The following CRB1 variants were observed in gnomAD, a reference collection of about 807,000 sequenced individuals.
CRB1 encodes the protein protein crumbs homolog 1.
CRB1 carries 83 observed loss-of-function variants against 120.0 expected under a neutral mutation model. That is an observed-to-expected ratio of 0.69 (90% CI 0.58 to 0.83). The LOEUF (loss-of-function observed/expected upper bound fraction) is 0.83. CRB1 is among the 40% of genes least tolerant of loss of function. The pLI is 0.00. For missense variants in CRB1, 1,699 were observed against 1,687.6 expected, an observed-to-expected ratio of 1.01 and a Z score of -0.12; for synonymous variants, 625 against 612.5, an observed-to-expected ratio of 1.02 and a Z score of -0.30.
At chr1:197,449,083 C>A (rs931173681) in intron 11 of CRB1, among the ~76,000 whole-genome samples, 3 of 152,156 alleles carry the variant, frequency 2.0e-5, no homozygotes, top group African/African-American at 7.2e-5. Context: ...GTATTTACAA[C>A]AATGTCAAAA....
At chr1:197,234,890 A>G in the CRB1 span, among the ~76,000 whole-genome samples, 6 of 152,256 alleles carry the variant, frequency 3.9e-5, no homozygotes, top group African/African-American at 1.2e-4. Context: ...CCTTTCTTCT[A>G]TAGTGCAGAA....
intron 2 of CRB1, among the ~76,000 whole-genome samples, chr1:197,340,339 T>C (rs760681838): frequency 3.6e-4 from 55 of 152,182 alleles, no homozygotes; most frequent in Non-Finnish European, 6.3e-4. Context: ...GTGAGGCCAC[T>C]GCTGTGGGTG....
intron 1 of CRB1, among the ~76,000 whole-genome samples, chr1:197,322,966 A>G (rs1658291450): frequency 6.6e-6 from 1 of 152,172 alleles, no homozygotes; most frequent in African/African-American, 2.4e-5. Context: ...ACTCAATTCC[A>G]TATTTATAAA....
In CRB1 at chr1:197,366,428, G is replaced by C. The variant is rs569601007; in HGVS notation, c.1171+9415G>C. On this transcript the variant is annotated intron_variant, in intron 5 of 11. Transcript: ENST00000367400. ...AGAACCTTTCCAAGTGTTAAATACA[G>C]GTATAAACTGTTCTTTTTTTGTATT... Among the ~76,000 whole-genome samples, 8 of 152,158 alleles carry C rather than the reference G, an allele frequency of 5.3e-5. No homozygotes were observed. The East Asian group carries it at 9.7e-4, about 18-fold the overall frequency.
intron 2 of CRB1, among the ~76,000 whole-genome samples, chr1:197,338,850 TTACA>T (rs148062338): frequency 0.022 from 3,342 of 152,280 alleles, 126 homozygotes; most frequent in African/African-American, 0.073. Flanking sequence ...ATCATCAGTC[TTACA>T]TACATTTCAG....
In CRB1 at chr1:197,362,966, G is replaced by A. The variant is rs114809105; in HGVS notation, c.1171+5953G>A. 8.8e-3 allele frequency among the ~76,000 whole-genome samples: 1,345 copies of A among 152,032 alleles called. 19 individuals carry two copies. Among genetic ancestry groups the A allele is most frequent in the African/African-American group, 0.031 (1,296 of 41,468 alleles). The stretch of plus-strand genomic sequence containing the variant: ...TCCTTTCTTTCTCTTTACTTCCTAT[G>A]AATTAGTTGACTATTTTTGGGATTT... On this transcript the variant is annotated intron_variant, in intron 5 of 11. Transcript: ENST00000367400.
At chr1:197,353,619 G>A (rs1158696217) in intron 4 of CRB1, among the ~76,000 whole-genome samples, 1 of 151,878 alleles carries the variant, frequency 6.6e-6, no homozygotes, top group Non-Finnish European at 1.5e-5. Flanking sequence ...TGGCCAACAT[G>A]GTGAAACTTC....
At position 197,427,636 on chromosome 1, in the gene CRB1, A is replaced by G. The variant is rs369074728; in HGVS notation, c.2311A>G (p.Arg771Gly). The G allele has an allele frequency of 7.4e-6, 12 of 1,613,994 alleles. No homozygotes were observed. The highest frequency in any genetic ancestry group is 9.3e-6 in the Non-Finnish European group (11 of 1,179,968). ...QYIRVWLERGRLAMLTPNSPK... is the reference protein window; with the variant it reads ...QYIRVWLERGGLAMLTPNSPK... The stretch of plus-strand genomic sequence containing the variant: ...TATCCGTGTCTGGCTAGAGCGCGGC[A>G]GACTAGCAATGCTGACTCCAAACTC... The change falls in exon 7 of 12, where the codon AGA becomes GGA. Residue 771 changes from arginine to glycine, a missense_variant. Physicochemically the swap from Arg to Gly is moderately radical, Grantham distance 125. Transcript: ENST00000367400.
intron 2 of CRB1, among the ~76,000 whole-genome samples, chr1:197,338,415 C>A (rs1033269234): frequency 6.6e-6 from 1 of 152,110 alleles, no homozygotes; most frequent in African/African-American, 2.4e-5. Context: ...AACTGTTCTC[C>A]AAACAGACAA....
the CRB1 span, among the ~76,000 whole-genome samples, chr1:197,209,051 A>G: frequency 6.6e-6 from 1 of 152,160 alleles, no homozygotes; most frequent in Non-Finnish European, 1.5e-5. Context: ...ACACAGCCCA[A>G]AAGGCCAGTC....
At chr1:197,349,421 A>G (rs1659962051) in intron 4 of CRB1, among the ~76,000 whole-genome samples, 1 of 152,250 alleles carries the variant, frequency 6.6e-6, no homozygotes, top group Admixed American at 6.5e-5. Context: ...AATAAAAGAC[A>G]CAGCATCTCC....
At chr1:197,363,605 G>A (rs1660898851) in intron 5 of CRB1, among the ~76,000 whole-genome samples, 1 of 152,174 alleles carries the variant, frequency 6.6e-6, no homozygotes, top group South Asian at 2.1e-4. Flanking sequence ...TTTGGGGGAA[G>A]GAAGGCCGGC....
At chr1:197,373,159 C>T (rs986440256) in intron 5 of CRB1, among the ~76,000 whole-genome samples, 7 of 152,080 alleles carry the variant, frequency 4.6e-5, no homozygotes, top group African/African-American at 1.7e-4. Context: ...ATACCAATAC[C>T]TTTTGTCCAG....
chr1:197,409,733 T>A (rs2494272), intron 5 of CRB1, among the ~76,000 whole-genome samples: 10,508 of 152,204 alleles, frequency 0.069, 1,271 homozygotes, highest in African/African-American at 0.24. Flanking sequence ...GCCACATAAA[T>A]AAAGCACTTA....
chr1:197,263,993 A>G (rs1654575512), upstream of CRB1, among the ~76,000 whole-genome samples: 1 of 152,196 alleles, frequency 6.6e-6, no homozygotes, highest in Non-Finnish European at 1.5e-5. Flanking sequence ...TTTTATTTGT[A>G]TGTATTTAAA....
rs759214876 is a variant in CRB1, at chr1:197,435,617, G to A, written c.3749+5G>A. 1.2e-6 allele frequency: 2 copies of A among 1,608,872 alleles called. No individual in the cohort carries two copies. The highest frequency in any genetic ancestry group is 4.5e-5 in the East Asian group (2 of 44,794). On this transcript the variant is annotated splice_donor_5th_base_variant and intron_variant, in intron 9 of 11. Coordinates refer to ENST00000367400, the MANE Select transcript of CRB1 (RefSeq NM_201253.3). ...TTTTACAGGAAAATTTTGCAGGTGA[G>A]CATAAAGTCCATATGAAGCTTGGTC...
intron 11 of CRB1, among the ~76,000 whole-genome samples, chr1:197,450,922 T>C (rs1665939309): frequency 8.1e-6 from 1 of 123,438 alleles, no homozygotes; most frequent in African/African-American, 3.2e-5. Context: ...ATCGTGCCAC[T>C]GCACTCCAGC....
chr1:197,362,484 A>C (rs1660823017), intron 5 of CRB1, among the ~76,000 whole-genome samples: 1 of 152,062 alleles, frequency 6.6e-6, no homozygotes, highest in African/African-American at 2.4e-5. Context: ...GTCCCCACCT[A>C]TAATTATGGA....
chr1:197,415,636 C>CT (rs1314094285), intron 5 of CRB1, among the ~76,000 whole-genome samples: 11 of 101,308 alleles, frequency 1.1e-4, no homozygotes, highest in South Asian at 3.3e-4. Flanking sequence ...TTTCTTTTTT[C>CT]TTTTCTTTTT....
Sources: allele counts gnomAD v4.1 joint callset (sites outside exome capture counted in the v4.1 genomes callset), GRCh38; gene constraint gnomAD v4.1.1; transcripts MANE v1.5; gene names NCBI Gene and HGNC (gene_info 2026-07-23, HGNC 2026-07-21).